The following SNX30 variants were observed in gnomAD, a reference collection of about 807,000 sequenced individuals.
SNX30 encodes the protein sorting nexin-30.
Under a neutral mutation model 46.4 loss-of-function variants are expected in SNX30, and 24 were observed. The observed-to-expected ratio is 0.52, with a 90% CI of 0.37 to 0.73. The LOEUF is 0.73. SNX30 is among the 30% of genes least tolerant of loss of function. SNX30 has a pLI of 0.00. For missense variants in SNX30, 533 were observed against 555.7 expected (o/e 0.96, Z 0.41); for synonymous variants, 189 against 211.5 (o/e 0.89, Z 0.92).
intron 2 of SNX30, 46 bp downstream of exon 2, chr9:112,805,013 A>G (rs768140892): frequency 1.4e-6 from 2 of 1,474,670 alleles, no homozygotes; most frequent in South Asian, 2.9e-5. Flanking sequence ...GGTCTCGGGG[A>G]ATTGGGGTCT....
At chr9:112,849,457 C>T (rs975768741) in intron 6 of SNX30, among the ~76,000 whole-genome samples, 15 of 152,036 alleles carry the variant, frequency 9.9e-5, no homozygotes, top group African/African-American at 2.9e-4. Context: ...GATTATAAAA[C>T]GTTTCCATTA....
chr9:112,856,671 A>G (rs1841135158), intron 7 of SNX30: 1 of 152,146 alleles, frequency 6.6e-6, no homozygotes, highest in Non-Finnish European at 1.5e-5. Flanking sequence ...ATGTTCTAGA[A>G]TGGGAAAGAC....
chr9:112,757,951 G>C (rs2131347054), intron 1 of SNX30, among the ~76,000 whole-genome samples: 1 of 152,224 alleles, frequency 6.6e-6, no homozygotes, highest in Non-Finnish European at 1.5e-5. Context: ...AGTGGTCCTG[G>C]ACACTCCTTC....
intron 2 of SNX30, among the ~76,000 whole-genome samples, chr9:112,807,052 C>CTTTTTTTTTTTTTTTTTTTT (rs10554051): frequency 1.1e-4 from 7 of 63,008 alleles, no homozygotes; most frequent in African/African-American, 1.4e-4. Flanking sequence ...TCTTTTCTAT[C>CTTTTTTTTTTTTTTTTTTTT]TTTTTTTTTT....
intron 2 of SNX30, among the ~76,000 whole-genome samples, chr9:112,807,157 T>G (rs1034424804): frequency 6.7e-6 from 1 of 148,330 alleles, no homozygotes; most frequent in Non-Finnish European, 1.5e-5. Context: ...CTCCGCCCTC[T>G]GGGTTCAAGG....
rs1435570604 is a variant in SNX30 at position 112,836,296 on chromosome 9, A to G, written c.701A>G (p.Lys234Arg). 1.9e-6 allele frequency: 3 copies of G among 1,613,412 alleles called. No individual in the cohort carries two copies. In the African/African-American group the frequency reaches 4.0e-5, roughly 22 times the overall value. ...ESVKHVTGGY[K>R]LRTRPLEFAA... ...GTCAAGCACGTCACTGGCGGCTACA[A>G]GCTGAGGACTCGGCCGCTTGAGTTT... The change falls in exon 5 of 9, where the codon AAG becomes AGG. Residue 234 changes from lysine to arginine, a missense_variant. Around this residue, in one of 3 missense-constraint regions of SNX30, gnomAD observed 261 missense variants for 270.9 expected, o/e 0.96. Transcript: ENST00000374232.
At chr9:112,774,181 T>C (rs1287114115) in intron 1 of SNX30, among the ~76,000 whole-genome samples, 3 of 152,212 alleles carry the variant, frequency 2.0e-5, no homozygotes, top group African/African-American at 7.2e-5. Flanking sequence ...TTCAGGGCTT[T>C]TCAGGTTTCT....
intron 7 of SNX30, among the ~76,000 whole-genome samples, chr9:112,851,287 A>G (rs1313191936): frequency 6.6e-6 from 1 of 152,258 alleles, no homozygotes; most frequent in Non-Finnish European, 1.5e-5. Context: ...ATAGGCCCAC[A>G]AACTATACAA....
In SNX30 at chr9:112,792,451, ATC is replaced by A. The variant is rs146703275; in HGVS notation, c.157-12318_157-12317del. Among the ~76,000 whole-genome samples the A allele has an allele frequency of 5.9e-5, 9 of 152,228 alleles. 1 individual carries two copies. The East Asian group carries it at 1.7e-3, about 29-fold the overall frequency. On this transcript the variant is annotated intron_variant, in intron 1 of 8. Transcript: ENST00000374232. Reference sequence around the variant, plus strand: ...TTTTTTTATTTTTTATTGAGACAGCATCTCTCTCCGTCGCCCAGCCTGGAGTA... The same window carrying A: ...TTTTTTTATTTTTTATTGAGACAGCATCTCTCCGTCGCCCAGCCTGGAGTA...
intron 1 of SNX30, among the ~76,000 whole-genome samples, chr9:112,795,872 A>C (rs1477651266): frequency 3.3e-5 from 5 of 152,160 alleles, no homozygotes; most frequent in Admixed American, 3.3e-4. Context: ...ATATATAAAT[A>C]AATGATTAAA....
At position 112,849,625 on chromosome 9, in the gene SNX30, C is replaced by A. The variant is rs572689372; in HGVS notation, c.1015-1234C>A. ...ATTTTCATTTCATGATAAAACACTT[C>A]CTAAAGCAAACTTTTCAGAGGAAGA... On this transcript the variant is annotated intron_variant, in intron 6 of 8. Transcript: ENST00000374232. Among the ~76,000 whole-genome samples the A allele has an allele frequency of 2.6e-5, 4 of 152,262 alleles. No homozygotes were observed. In the East Asian group the frequency reaches 5.8e-4, roughly 22 times the overall value.
chr9:112,866,037 A>T (rs1268047839), intron 8 of SNX30, among the ~76,000 whole-genome samples: 1 of 152,088 alleles, frequency 6.6e-6, no homozygotes, highest in Non-Finnish European at 1.5e-5. Flanking sequence ...CTGTCTTCCC[A>T]CTATATCACA....
chr9:112,814,765 A>G (rs1202202502), intron 2 of SNX30, among the ~76,000 whole-genome samples: 1 of 152,246 alleles, frequency 6.6e-6, no homozygotes, highest in Non-Finnish European at 1.5e-5. Context: ...CAGTTTGTCA[A>G]TTAAAAAGTA....
At chr9:112,774,523 G>A (rs561822548) in intron 1 of SNX30, among the ~76,000 whole-genome samples, 1 of 152,180 alleles carries the variant, frequency 6.6e-6, no homozygotes, top group South Asian at 2.1e-4. Context: ...CAAGTCTTTG[G>A]TTGACGTGTT....
intron 1 of SNX30, among the ~76,000 whole-genome samples, chr9:112,791,655 C>A (rs896972405): frequency 6.6e-6 from 1 of 151,892 alleles, no homozygotes; most frequent in Admixed American, 6.6e-5. Flanking sequence ...GTGATCCACC[C>A]GCCTTGGCCT....
At chr9:112,765,786 G>A (rs1839526478) in intron 1 of SNX30, among the ~76,000 whole-genome samples, 1 of 152,124 alleles carries the variant, frequency 6.6e-6, no homozygotes, top group Non-Finnish European at 1.5e-5. Flanking sequence ...TTTTTGTGGT[G>A]AGAACACTTT....
chr9:112,797,689 CTCT>C (rs952777364), intron 1 of SNX30, among the ~76,000 whole-genome samples: 7 of 146,348 alleles, frequency 4.8e-5, no homozygotes, highest in Non-Finnish European at 1.0e-4. Context: ...CTTGCGCTCT[CTCT>C]TCTTTTCTTT....
intron 1 of SNX30, among the ~76,000 whole-genome samples, chr9:112,787,982 C>G (rs1839959640): frequency 6.6e-6 from 1 of 151,880 alleles, no homozygotes; most frequent in African/African-American, 2.4e-5. Context: ...TGTATGTTTA[C>G]TAGAAACAGG....
chr9:112,866,351 A>G lies in SNX30; in HGVS notation c.1254+1952A>G, dbSNP rs929212926. Reference sequence around the variant, plus strand: ...CATTTCATCCGAGTCTCAGAGACAGAGGCTTGGAAAACATATATTCCAGGT... The same window carrying G: ...CATTTCATCCGAGTCTCAGAGACAGGGGCTTGGAAAACATATATTCCAGGT... On this transcript the variant is annotated intron_variant, in intron 8 of 8. Coordinates refer to ENST00000374232, the MANE Select transcript of SNX30 (RefSeq NM_001012994.2). 44 of 430,722 alleles carry G rather than the reference A, an allele frequency of 1.0e-4. No homozygotes were observed. In the Middle Eastern group the frequency reaches 1.1e-3, roughly 10 times the overall value. The allele number at this position is 430,722 out of a possible 1,614,324, so 26.7% of individuals were successfully genotyped here.
Sources: allele counts gnomAD v4.1 joint callset (sites outside exome capture counted in the v4.1 genomes callset), GRCh38; gene constraint gnomAD v4.1.1; regional missense constraint gnomAD v4.1.1; transcripts MANE v1.5; gene names NCBI Gene and HGNC (gene_info 2026-07-23, HGNC 2026-07-21).